PPAT: variants seen among roughly 807,000 people sequenced by gnomAD.
PPAT encodes phosphoribosyl pyrophosphate amidotransferase.
Under a neutral mutation model 60.2 loss-of-function variants are expected in PPAT, and 20 were observed. That is an observed-to-expected ratio of 0.33 (90% confidence interval 0.23 to 0.48). The LOEUF (loss-of-function observed/expected upper bound fraction) is 0.48. Among genes scored for constraint, PPAT ranks in the 20% least tolerant of loss-of-function variants. The probability of loss-of-function intolerance (pLI) is 0.99; values close to 1 mark genes in which losing one functional copy is unlikely to be tolerated. For synonymous variants in PPAT, 194 were observed against 215.1 expected (o/e 0.90, Z 0.86); for missense variants, 349 against 629.6 (o/e 0.55, Z 4.77).
intron 1 of PPAT, among the ~76,000 whole-genome samples, chr4:56,427,759 G>C (rs1419782343): frequency 1.3e-5 from 2 of 152,020 alleles, no homozygotes; most frequent in African/African-American, 4.8e-5. Context: ...CCTTCCCCCT[G>C]TCACCCCCTG....
At chr4:56,410,870 C>G (rs1249356874) in intron 1 of PPAT, 2 of 970,352 alleles carry the variant, frequency 2.1e-6, no homozygotes, top group East Asian at 1.2e-4. Context: ...AACGCTCAGC[C>G]CAAGTACAGC....
At chr4:56,419,882 C>G (rs1339643289) in intron 1 of PPAT, 1 of 984,362 alleles carries the variant, frequency 1.0e-6, no homozygotes, top group Non-Finnish European at 1.2e-6. Context: ...AATACAAGAT[C>G]GTAAGAACAG....
chr4:56,410,300 G>A (rs1052477689), intron 1 of PPAT, among the ~76,000 whole-genome samples: 2 of 152,130 alleles, frequency 1.3e-5, no homozygotes, highest in Non-Finnish European at 2.9e-5. Context: ...TTTCCTTCAG[G>A]CTGAAATGAT....
At chr4:56,415,828 G>C (rs1303737735) in intron 1 of PPAT, among the ~76,000 whole-genome samples, 1 of 152,154 alleles carries the variant, frequency 6.6e-6, no homozygotes, top group East Asian at 1.9e-4. Flanking sequence ...TGTAATCCCA[G>C]CACTTTGGGA....
intron 1 of PPAT, among the ~76,000 whole-genome samples, chr4:56,425,837 C>T (rs940596433): frequency 6.6e-6 from 1 of 152,194 alleles, no homozygotes; most frequent in African/African-American, 2.4e-5. Flanking sequence ...ATCATAAAAA[C>T]TCTGGCTTAG....
chr4:56,414,113 A>G (rs1050914846), intron 1 of PPAT: 2 of 152,192 alleles, frequency 1.3e-5, no homozygotes, highest in Non-Finnish European at 2.9e-5. Flanking sequence ...TTTGATCTGC[A>G]GAATCCAAAA....
intron 1 of PPAT, among the ~76,000 whole-genome samples, chr4:56,407,933 TTAAC>T (rs1716288622): frequency 6.6e-6 from 1 of 152,230 alleles, no homozygotes; most frequent in Non-Finnish European, 1.5e-5. Context: ...TCATCTAATA[TTAAC>T]TAACATGCCA....
chr4:56,398,519 G>A (rs1354103392), intron 9 of PPAT, among the ~76,000 whole-genome samples: 1 of 150,360 alleles, frequency 6.7e-6, no homozygotes, highest in Non-Finnish European at 1.5e-5. Context: ...AGATCACTTC[G>A]GCTCACTGCA....
intron 1 of PPAT, chr4:56,414,192 T>C (rs1309473149): frequency 2.0e-5 from 3 of 152,208 alleles, no homozygotes; most frequent in African/African-American, 7.2e-5. Context: ...TTTGATTCAT[T>C]ATGTAATGTT....
chr4:56,403,425 T>C (rs1560638616), intron 3 of PPAT, 24 bp from the exon 4 acceptor site: 8 of 1,570,490 alleles, frequency 5.1e-6, no homozygotes, highest in African/African-American at 2.7e-5. Flanking sequence ...AAGAGAAGTT[T>C]AATCATCAGA....
intron 1 of PPAT, among the ~76,000 whole-genome samples, chr4:56,428,485 T>C (rs1717411732): frequency 6.6e-6 from 1 of 152,134 alleles, no homozygotes; most frequent in Non-Finnish European, 1.5e-5. Flanking sequence ...AATATAAAAA[T>C]GTAAAATATG....
rs1221415324 is a variant in PPAT, at chr4:56,435,378, T to G, written c.100A>C (p.Thr34Pro). The G allele has an allele frequency of 6.2e-7, 1 of 1,612,222 alleles. No individual in the cohort carries two copies. Among genetic ancestry groups the G allele is most frequent in the African/African-American group, 1.3e-5 (1 of 74,344 alleles). The stretch of plus-strand genomic sequence containing the variant: ...TGCTGCAGCCCCACGAGTCCCAGAG[T>G]GATCACATGCGGTACATCCAGCTGC... ...PTQLDVPHVI[T>P]LGLVGLQHRG... Residue 34 changes from threonine to proline, a missense_variant, in exon 1 of 11, where the codon ACT becomes CCT. Transcript: ENST00000264220.
At chr4:56,410,378 G>A (rs1324130095) in intron 1 of PPAT, 1 of 208,180 alleles carries the variant, frequency 4.8e-6, no homozygotes, top group Non-Finnish European at 8.4e-6. Flanking sequence ...AGTTTCTCAA[G>A]TTACTCCCTC....
At chr4:56,406,246 C>A (rs1278915232) in intron 3 of PPAT, among the ~76,000 whole-genome samples, 1 of 152,200 alleles carries the variant, frequency 6.6e-6, no homozygotes, top group Non-Finnish European at 1.5e-5. Context: ...TCTCCCAAAT[C>A]TCTAAAGCAG....
chr4:56,401,247 A>G (rs1716105557), intron 7 of PPAT, 83 bp downstream of exon 7: 9 of 1,285,326 alleles, frequency 7.0e-6, no homozygotes, highest in Non-Finnish European at 9.6e-6. Context: ...GAGCCAGGTA[A>G]GCCTTTGAGG....
chr4:56,413,910 T>G (rs1266410704), intron 1 of PPAT, among the ~76,000 whole-genome samples: 1 of 152,014 alleles, frequency 6.6e-6, no homozygotes, highest in East Asian at 1.9e-4. Context: ...AATAAATAAA[T>G]TAAATAAATA....
At chr4:56,421,452 TC>T (rs1578131569) in intron 1 of PPAT, 1 of 152,496 alleles carries the variant, frequency 6.6e-6, no homozygotes, top group East Asian at 1.9e-4. Flanking sequence ...AAAATTGTCT[TC>T]CGTGAAACCA....
intron 8 of PPAT, chr4:56,400,098 G>C (rs1023654413): frequency 2.0e-5 from 3 of 152,168 alleles, no homozygotes; most frequent in African/African-American, 7.2e-5. Flanking sequence ...CCATGGGTTT[G>C]AAGTACATGA....
At chr4:56,413,499 A>G (rs1716569622) in intron 1 of PPAT, among the ~76,000 whole-genome samples, 1 of 152,240 alleles carries the variant, frequency 6.6e-6, no homozygotes, top group Non-Finnish European at 1.5e-5. Context: ...TTCCAAAATA[A>G]CTGTACTTCA....
Sources: allele counts gnomAD v4.1 joint callset (sites outside exome capture counted in the v4.1 genomes callset), GRCh38; gene constraint gnomAD v4.1.1; transcripts MANE v1.5; gene names NCBI Gene and HGNC (gene_info 2026-07-23, HGNC 2026-07-21).